Variants in SCHIP1 observed in about 807,000 individuals in gnomAD.
SCHIP1 encodes schwannomin interacting protein 1.
Under a neutral mutation model 29.7 loss-of-function variants are expected in SCHIP1, and 8 were observed. The observed-to-expected ratio is 0.27, with a 90% CI of 0.16 to 0.49. SCHIP1 has a LOEUF of 0.49. Among genes scored for constraint, SCHIP1 ranks in the 20% least tolerant of loss-of-function variants. The pLI, the probability that SCHIP1 is intolerant of heterozygous loss-of-function variation, is 0.99. For missense variants in SCHIP1, 193 were observed against 294.6 expected, an observed-to-expected ratio of 0.66 and a Z score of 2.52; for synonymous variants, 76 against 94.9, an observed-to-expected ratio of 0.80 and a Z score of 1.16.
the SCHIP1 span, among the ~76,000 whole-genome samples, chr3:159,382,043 C>T: frequency 6.6e-6 from 1 of 151,914 alleles, no homozygotes; most frequent in East Asian, 1.9e-4. Context: ...ATCACTTCTA[C>T]TCATTCTTTT....
chr3:159,876,018 A>C (rs975382505), intron 2 of SCHIP1, among the ~76,000 whole-genome samples: 1 of 152,222 alleles, frequency 6.6e-6, no homozygotes, highest in Non-Finnish European at 1.5e-5. Flanking sequence ...AGAGGAAAAC[A>C]AGATCCAATG....
At chr3:159,702,908 T>C in the SCHIP1 span, among the ~76,000 whole-genome samples, 1 of 152,254 alleles carries the variant, frequency 6.6e-6, no homozygotes, top group Non-Finnish European at 1.5e-5. Context: ...TTGAAACAAG[T>C]AGACCTATCA....
At chr3:159,408,406 A>AAG in the SCHIP1 span, among the ~76,000 whole-genome samples, 5 of 151,788 alleles carry the variant, frequency 3.3e-5, no homozygotes, top group Non-Finnish European at 4.4e-5. Context: ...ATGATAAAAA[A>AAG]AAAAGGACAA....
At chr3:159,446,767 T>C in the SCHIP1 span, among the ~76,000 whole-genome samples, 1 of 152,168 alleles carries the variant, frequency 6.6e-6, no homozygotes, top group East Asian at 1.9e-4. Context: ...CCAATTTTAA[T>C]ATTTAGAAGT....
At chr3:159,669,905 G>A in the SCHIP1 span, among the ~76,000 whole-genome samples, 1 of 152,200 alleles carries the variant, frequency 6.6e-6, no homozygotes, top group African/African-American at 2.4e-5. Flanking sequence ...AGGCATATGT[G>A]AGAAAGACAG....
At chr3:159,748,926 A>G in the SCHIP1 span, among the ~76,000 whole-genome samples, 1 of 152,310 alleles carries the variant, frequency 6.6e-6, no homozygotes, top group South Asian at 2.1e-4. Context: ...TACAATAGTT[A>G]CCAATGAAAA....
the SCHIP1 span, among the ~76,000 whole-genome samples, chr3:159,362,488 A>T: frequency 6.6e-6 from 1 of 152,202 alleles, no homozygotes; most frequent in Admixed American, 6.5e-5. Context: ...AATAAGTCAG[A>T]TCTTTCATGT....
chr3:159,440,181 T>C, the SCHIP1 span, among the ~76,000 whole-genome samples: 3 of 152,196 alleles, frequency 2.0e-5, no homozygotes, highest in African/African-American at 7.2e-5. Context: ...TTGTTTATTT[T>C]GGTCAGATTT....
chr3:159,640,197 A>G, the SCHIP1 span, among the ~76,000 whole-genome samples: 3 of 152,166 alleles, frequency 2.0e-5, no homozygotes, highest in African/African-American at 7.2e-5. Flanking sequence ...AGTAACAACA[A>G]AAAGTCTGTT....
the SCHIP1 span, among the ~76,000 whole-genome samples, chr3:159,663,626 G>T: frequency 6.6e-6 from 1 of 152,098 alleles, no homozygotes; most frequent in South Asian, 2.1e-4. Flanking sequence ...ATATGTTTTT[G>T]TGTGTATGAT....
chr3:159,392,929 A>G, the SCHIP1 span, among the ~76,000 whole-genome samples: 1 of 152,216 alleles, frequency 6.6e-6, no homozygotes, highest in East Asian at 1.9e-4. Flanking sequence ...AGTCCCACCA[A>G]CAGTGTAAAA....
the SCHIP1 span, among the ~76,000 whole-genome samples, chr3:159,791,152 A>G: frequency 1.2e-3 from 186 of 152,322 alleles, no homozygotes; most frequent in Middle Eastern, 6.8e-3. Flanking sequence ...AGCGCAGATA[A>G]GTAGATTCAA....
chr3:159,558,546 C>T, the SCHIP1 span, among the ~76,000 whole-genome samples: 50 of 151,860 alleles, frequency 3.3e-4, no homozygotes, highest in East Asian at 4.1e-3. Context: ...TCGAGGATTA[C>T]GGAGGAAAGA....
the SCHIP1 span, among the ~76,000 whole-genome samples, chr3:159,621,958 G>A: frequency 2.0e-5 from 3 of 152,174 alleles, no homozygotes; most frequent in Non-Finnish European, 4.4e-5. Context: ...GAGCCACTGT[G>A]CTCAGCCCTG....
the SCHIP1 span, among the ~76,000 whole-genome samples, chr3:159,454,586 G>A: frequency 1.9e-4 from 29 of 152,144 alleles, no homozygotes; most frequent in African/African-American, 7.0e-4. Flanking sequence ...AGGGGGCATG[G>A]TCAAAGAAAA....
chr3:159,527,447 C>T, the SCHIP1 span, among the ~76,000 whole-genome samples: 12 of 152,272 alleles, frequency 7.9e-5, no homozygotes, highest in South Asian at 2.1e-4. Context: ...AAGATCTCTG[C>T]GCCACGGTGA....
the SCHIP1 span, among the ~76,000 whole-genome samples, chr3:159,474,292 A>G: frequency 6.6e-6 from 1 of 152,178 alleles, no homozygotes; most frequent in African/African-American, 2.4e-5. Flanking sequence ...AACCACGAAC[A>G]TATTAAGCAA....
chr3:159,822,720 G>A, the SCHIP1 span, among the ~76,000 whole-genome samples: 3 of 150,522 alleles, frequency 2.0e-5, no homozygotes, highest in African/African-American at 7.3e-5. Flanking sequence ...ACTGGAAAAT[G>A]ACTCTTCAAG....
At chr3:159,815,447 T>C in the SCHIP1 span, among the ~76,000 whole-genome samples, 27 of 152,326 alleles carry the variant, frequency 1.8e-4, no homozygotes, top group South Asian at 8.3e-4. Context: ...CCATCATGTG[T>C]TGGAACTTAT....
Sources: allele counts gnomAD v4.1 joint callset (sites outside exome capture counted in the v4.1 genomes callset), GRCh38; gene constraint gnomAD v4.1.1; transcripts MANE v1.5; gene names NCBI Gene and HGNC (gene_info 2026-07-23, HGNC 2026-07-21).